The following KLF7 variants were observed in gnomAD, a reference collection of about 807,000 sequenced individuals.
KLF7 encodes the protein Krueppel-like factor 7.
KLF7 carries 2 observed loss-of-function variants against 27.3 expected under a neutral mutation model. That is an observed-to-expected ratio of 0.07 (90% confidence interval 0.03 to 0.23). The LOEUF (loss-of-function observed/expected upper bound fraction) is 0.23. KLF7 is among the 10% of genes least tolerant of loss of function. KLF7 has a pLI of 1.00. For missense variants in KLF7, 221 were observed against 394.1 expected (o/e 0.56, Z 3.72); for synonymous variants, 165 against 162.4 (o/e 1.02, Z -0.12).
chr2:207,118,096 T>C (rs949840749), intron 2 of KLF7, among the ~76,000 whole-genome samples: 1 of 152,232 alleles, frequency 6.6e-6, no homozygotes, highest in Non-Finnish European at 1.5e-5. Context: ...ATTTAATTTC[T>C]AACAACAGGG....
intron 2 of KLF7, among the ~76,000 whole-genome samples, chr2:207,102,402 A>T (rs2076788980): frequency 6.6e-6 from 1 of 152,164 alleles, no homozygotes; most frequent in Non-Finnish European, 1.5e-5. Context: ...GGGGAAAAAG[A>T]GGTGCAAGAA....
At chr2:207,133,427 G>T (rs1342888399) in intron 1 of KLF7, among the ~76,000 whole-genome samples, 3 of 152,206 alleles carry the variant, frequency 2.0e-5, no homozygotes, top group Non-Finnish European at 4.4e-5. Context: ...CACATCCCAT[G>T]ACAATGGCAA....
At chr2:207,084,016 GA>G (rs1336024744) in intron 3 of KLF7, among the ~76,000 whole-genome samples, 4 of 152,206 alleles carry the variant, frequency 2.6e-5, no homozygotes, top group Non-Finnish European at 2.9e-5. Context: ...TTCTAACCTA[GA>G]AGTTTCTAAC....
At chr2:207,139,360 G>C (rs927911874) in intron 1 of KLF7, among the ~76,000 whole-genome samples, 6 of 152,186 alleles carry the variant, frequency 3.9e-5, no homozygotes, top group Non-Finnish European at 7.4e-5. Flanking sequence ...AGGCAGCAAA[G>C]ATTAAAATCC....
At chr2:207,158,789 C>T (rs2078460171) in intron 1 of KLF7, among the ~76,000 whole-genome samples, 1 of 152,028 alleles carries the variant, frequency 6.6e-6, no homozygotes, top group Non-Finnish European at 1.5e-5. Context: ...TTCCATGAAC[C>T]AGTAGTCTTA....
intron 2 of KLF7, among the ~76,000 whole-genome samples, chr2:207,089,335 G>A (rs1384412570): frequency 6.6e-6 from 1 of 152,164 alleles, no homozygotes; most frequent in East Asian, 1.9e-4. Flanking sequence ...CAAGGTTTTA[G>A]CCACAGGGAA....
intron 2 of KLF7, among the ~76,000 whole-genome samples, chr2:207,106,533 G>A (rs2076887666): frequency 6.6e-6 from 1 of 152,170 alleles, no homozygotes; most frequent in South Asian, 2.1e-4. Context: ...GGGCCATTCA[G>A]CATTCATCGT....
At chr2:207,155,724 C>T (rs2078364235) in intron 1 of KLF7, among the ~76,000 whole-genome samples, 1 of 152,180 alleles carries the variant, frequency 6.6e-6, no homozygotes, top group African/African-American at 2.4e-5. Context: ...TCATCACTCT[C>T]AGGGGAATCA....
At position 207,120,652 on chromosome 2, in the gene KLF7, C is replaced by T. The variant is rs369186896; in HGVS notation, c.733+3122G>A. Among the ~76,000 whole-genome samples the T allele has an allele frequency of 6.6e-5, 10 of 152,266 alleles. 1 individual carries two copies. Among genetic ancestry groups the T allele is most frequent in the Admixed American group, 5.9e-4 (9 of 15,296 alleles). On this transcript the variant is annotated intron_variant, in intron 2 of 3. Coordinates refer to ENST00000309446, the MANE Select transcript of KLF7 (RefSeq NM_003709.4). ...GTTAAAATAGCTTGCCTGAATCCAACCAGCGCCCATTTTTAAAAAATCTTC... is the reference window on the plus strand; with the variant it reads ...GTTAAAATAGCTTGCCTGAATCCAATCAGCGCCCATTTTTAAAAAATCTTC...
Position 207,153,965 on chromosome 2 carries a change from T to C in KLF7, c.102+11502A>G, listed in dbSNP as rs569685303. ...AGGCTAAACCTTAAATATGAAGATA[T>C]AATCTTTTGAGTTTTATAGCAGCAT... is the stretch of plus-strand genomic sequence containing the variant. On this transcript the variant is annotated intron_variant, in intron 1 of 3. Transcript: ENST00000309446. Among the ~76,000 whole-genome samples the C allele has an allele frequency of 7.9e-5, 12 of 152,326 alleles. No individual in the cohort carries two copies. In the South Asian group the frequency reaches 1.9e-3, roughly 24 times the overall value.
At position 207,075,030 on chromosome 2, in the gene KLF7, C is replaced by G. The variant is rs753853813; in HGVS notation, c.*6183G>C. Reference sequence around the variant, plus strand: ...CACGAAGTATGTAAGTACCCACTTGCGTCTTTCGAAGATTTTTTTCCCCAG... The same window carrying G: ...CACGAAGTATGTAAGTACCCACTTGGGTCTTTCGAAGATTTTTTTCCCCAG... On this transcript the variant is annotated 3_prime_UTR_variant, in exon 4 of 4. Transcript: ENST00000309446. 6.6e-6 allele frequency: 1 copy of G among 152,136 alleles called. No homozygotes were observed. Among genetic ancestry groups the G allele is most frequent in the African/African-American group, 2.4e-5 (1 of 41,438 alleles). The allele number at this position is 152,136 out of a possible 1,614,324, so 9.4% of individuals were successfully genotyped here.
At chr2:207,149,699 C>T (rs2078189341) in intron 1 of KLF7, among the ~76,000 whole-genome samples, 1 of 152,194 alleles carries the variant, frequency 6.6e-6, no homozygotes, top group Non-Finnish European at 1.5e-5. Flanking sequence ...TAAATCTCAA[C>T]ATATTCATTT....
intron 1 of KLF7, among the ~76,000 whole-genome samples, chr2:207,133,204 C>T (rs1049503345): frequency 2.0e-5 from 3 of 152,174 alleles, no homozygotes; most frequent in African/African-American, 4.8e-5. Context: ...GGTGGAAATC[C>T]CACTTGTTAC....
intron 1 of KLF7, among the ~76,000 whole-genome samples, chr2:207,160,033 T>C (rs925999192): frequency 6.6e-6 from 1 of 152,176 alleles, no homozygotes; most frequent in African/African-American, 2.4e-5. Flanking sequence ...TTGGGGAATT[T>C]TAGATAGAAT....
chr2:207,151,582 CTG>C (rs1349025187), intron 1 of KLF7, among the ~76,000 whole-genome samples: 1 of 152,176 alleles, frequency 6.6e-6, no homozygotes, highest in Admixed American at 6.5e-5. Context: ...GCAGGGAAAA[CTG>C]TGCAAGGACA....
At chr2:207,127,157 G>A (rs1574511220) in intron 1 of KLF7, among the ~76,000 whole-genome samples, 1 of 152,178 alleles carries the variant, frequency 6.6e-6, no homozygotes, top group South Asian at 2.1e-4. Context: ...AAAGATGAGA[G>A]ACATCTGATC....
chr2:207,103,329 T>A (rs2076810253), intron 2 of KLF7, among the ~76,000 whole-genome samples: 1 of 152,216 alleles, frequency 6.6e-6, no homozygotes, highest in Non-Finnish European at 1.5e-5. Flanking sequence ...GGCAGCCATC[T>A]TGAATTGCAG....
rs1289183404 is a variant in KLF7 at position 207,124,115 on chromosome 2, T to C, written c.392A>G (p.Asn131Ser). Residue 131 changes from asparagine to serine, a missense_variant, in exon 2 of 4, where the codon AAC (asparagine) becomes AGC (serine). By Grantham distance (46) the Asn-to-Ser change is conservative (BLOSUM62 1). This residue lies in a region of KLF7 where 180 missense variants were observed against 227.9 expected (regional missense o/e 0.79). Coordinates refer to ENST00000309446, the MANE Select transcript of KLF7 (RefSeq NM_003709.4). Reference sequence around the variant, plus strand: ...TGGGGGCGTTAATGAGGTCACTGCGTTGAGCTGGGCCTGGTTGACGGCTGT... The same window carrying C: ...TGGGGGCGTTAATGAGGTCACTGCGCTGAGCTGGGCCTGGTTGACGGCTGT... ...SYTAVNQAQLNAVTSLTPPSS... is the reference protein window; with the variant it reads ...SYTAVNQAQLSAVTSLTPPSS... 2 of 1,614,110 alleles carry C rather than the reference T, an allele frequency of 1.2e-6. No individual in the cohort carries two copies. The highest frequency in any genetic ancestry group is 4.5e-5 in the East Asian group (2 of 44,872).
chr2:207,082,827 T>C (rs2076303929), intron 3 of KLF7, among the ~76,000 whole-genome samples: 1 of 152,312 alleles, frequency 6.6e-6, no homozygotes, highest in Non-Finnish European at 1.5e-5. Context: ...TGTTTGTTCA[T>C]TCTTAAAACA....
Sources: gnomAD v4.1 joint callset for allele counts (sites outside exome capture counted in the v4.1 genomes callset) on GRCh38, gnomAD v4.1.1 for gene constraint, gnomAD v4.1.1 regional missense constraint, MANE v1.5 for transcripts, NCBI Gene and HGNC (gene_info 2026-07-23, HGNC 2026-07-21) for gene names.